Variants in SCN2A observed in about 807,000 individuals in gnomAD.
The protein encoded by SCN2A is sodium channel protein type 2 subunit alpha.
In SCN2A, 20 loss-of-function variants were observed where a neutral mutation model predicts 188.7. That is an observed-to-expected ratio of 0.11 (90% CI 0.07 to 0.15). The LOEUF is 0.15. Ranked by LOEUF, SCN2A falls within the 10% of genes least tolerant of loss-of-function variation. SCN2A has a pLI of 1.00. For missense variants in SCN2A, 1,278 were observed against 2,445.0 expected (o/e 0.52, Z 10.07); for synonymous variants, 804 against 833.1 (o/e 0.97, Z 0.60).
chr2:165,305,233 G>A (rs1697055296), intron 3 of SCN2A, among the ~76,000 whole-genome samples: 1 of 152,176 alleles, frequency 6.6e-6, no homozygotes, highest in South Asian at 2.1e-4. Flanking sequence ...AGACGTCAAA[G>A]GAGTAAGTAA....
In SCN2A at chr2:165,362,155, G is replaced by A. The variant is rs200763215; in HGVS notation, c.3400-2988G>A. Among the ~76,000 whole-genome samples the A allele has an allele frequency of 2.2e-3, 340 of 152,086 alleles. 1 individual carries two copies. Among genetic ancestry groups the A allele is most frequent in the African/African-American group, 8.0e-3 (333 of 41,528 alleles). On this transcript the variant is annotated intron_variant, in intron 17 of 26. Coordinates refer to ENST00000375437, the MANE Select transcript of SCN2A (RefSeq NM_001040142.2). ...CATGATCTTTCCTCCAAAAAATTAAGTCTGATGAGATGCATTTTCTAGAAA... is the reference window on the plus strand; with the variant it reads ...CATGATCTTTCCTCCAAAAAATTAAATCTGATGAGATGCATTTTCTAGAAA...
intron 1 of SCN2A, among the ~76,000 whole-genome samples, chr2:165,248,630 CCTTTT>C (rs1328539047): frequency 6.6e-6 from 1 of 151,736 alleles, no homozygotes; most frequent in African/African-American, 2.4e-5. Flanking sequence ...TTCTTTTTTT[CCTTTT>C]CTTTCCTTTC....
Position 165,314,047 on chromosome 2 carries a change from A to G in SCN2A, c.1322A>G (p.Gln441Arg). 6.2e-7 allele frequency: 1 copy of G among 1,613,790 alleles called. No individual in the cohort carries two copies. The highest frequency in any genetic ancestry group is 8.5e-7 in the Non-Finnish European group (1 of 1,179,772). ...QNQATLEEAE[Q>R]KEAEFQQMLE... ...CAGGCCACATTGGAAGAGGCTGAAC[A>G]GAAGGAAGCTGAATTTCAGCAGATG... Residue 441 changes from glutamine (Q) to arginine (R), a missense_variant, in exon 10 of 27, where the codon CAG (glutamine) becomes CGG (arginine). Gln to Arg is a conservative substitution (Grantham distance 43). Around this residue, in one of 17 missense-constraint regions of SCN2A, gnomAD observed 42 missense variants for 137.3 expected, o/e 0.31. Coordinates refer to ENST00000375437, the MANE Select transcript of SCN2A (RefSeq NM_001040142.2).
chr2:165,344,526 A>G (rs757071444), intron 15 of SCN2A, 29 bp from the exon 16 acceptor site: 4 of 1,590,788 alleles, frequency 2.5e-6, no homozygotes, highest in South Asian at 1.1e-5. Flanking sequence ...AATGCAGAGC[A>G]TTAACACTGT....
rs144133675 is a variant in SCN2A at position 165,315,822 on chromosome 2, T to C, written c.1671+64T>C. On this transcript the variant is annotated intron_variant, in intron 11 of 26. Coordinates refer to ENST00000375437, the MANE Select transcript of SCN2A (RefSeq NM_001040142.2). ...TTTTTTAAAAAAATATGCCAGAATT[T>C]AATGGAGAGAAAACCGCCTTCCACC... 1.6e-3 allele frequency: 2,422 copies of C among 1,562,066 alleles called. 36 individuals carry two copies. In the African/African-American group the frequency reaches 0.026, roughly 17 times the overall value.
At chr2:165,328,714 G>T (rs1030937734) in intron 13 of SCN2A, among the ~76,000 whole-genome samples, 1 of 152,188 alleles carries the variant, frequency 6.6e-6, no homozygotes, top group African/African-American at 2.4e-5. Flanking sequence ...GTGACATGGG[G>T]TTGCTTAGGA....
intron 1 of SCN2A, among the ~76,000 whole-genome samples, chr2:165,249,735 A>G (rs1694006383): frequency 6.6e-6 from 1 of 151,992 alleles, no homozygotes; most frequent in Non-Finnish European, 1.5e-5. Context: ...GTTTTGTTCT[A>G]AATCTCAGCT....
At chr2:165,371,640 T>C (rs963998338) in intron 20 of SCN2A, 2 of 152,056 alleles carry the variant, frequency 1.3e-5, no homozygotes, top group Non-Finnish European at 1.5e-5. Context: ...GTAGATAGGG[T>C]GAGGTAAGCC....
At chr2:165,242,432 GA>G in intron 1 of SCN2A, among the ~76,000 whole-genome samples, 1 of 152,228 alleles carries the variant, frequency 6.6e-6, no homozygotes, top group East Asian at 1.9e-4. Flanking sequence ...AGAAACAATA[GA>G]AAACCCATAA....
chr2:165,388,498 G>A, intron 26 of SCN2A, 131 bp from the exon 27 acceptor site: 1 of 1,239,682 alleles, frequency 8.1e-7, no homozygotes, highest in Non-Finnish European at 1.1e-6. Flanking sequence ...AACAAACATT[G>A]CAGATTATTT....
chr2:165,305,167 A>C (rs1192400142), intron 3 of SCN2A, among the ~76,000 whole-genome samples: 1 of 152,232 alleles, frequency 6.6e-6, no homozygotes, highest in African/African-American at 2.4e-5. Flanking sequence ...GGGAGACAGA[A>C]ATCTAAGATT....
intron 1 of SCN2A, among the ~76,000 whole-genome samples, chr2:165,282,946 T>C (rs904993445): frequency 7.2e-5 from 11 of 152,330 alleles, no homozygotes; most frequent in Admixed American, 2.6e-4. Flanking sequence ...TGTAAGGTTT[T>C]TCACCTGAGG....
At chr2:165,346,986 T>C (rs1030009397) in intron 16 of SCN2A, among the ~76,000 whole-genome samples, 3 of 152,210 alleles carry the variant, frequency 2.0e-5, no homozygotes, top group African/African-American at 7.2e-5. Context: ...GCTTTTACAT[T>C]GTTGGTGGGA....
chr2:165,248,072 G>A (rs1693927415), intron 1 of SCN2A, among the ~76,000 whole-genome samples: 1 of 152,088 alleles, frequency 6.6e-6, no homozygotes, highest in Non-Finnish European at 1.5e-5. Context: ...TCTATGTGCT[G>A]CCACCTTCAC....
At chr2:165,361,329 C>T (rs1275857604) in intron 17 of SCN2A, among the ~76,000 whole-genome samples, 2 of 151,868 alleles carry the variant, frequency 1.3e-5, no homozygotes, top group African/African-American at 4.8e-5. Flanking sequence ...GGTTTTGAAA[C>T]ATGGAAATCA....
At chr2:165,261,959 A>G (rs963506847) in intron 1 of SCN2A, among the ~76,000 whole-genome samples, 1 of 152,216 alleles carries the variant, frequency 6.6e-6, no homozygotes, top group Non-Finnish European at 1.5e-5. Flanking sequence ...GAAAAATGTC[A>G]CAAGTGGAAA....
intron 13 of SCN2A, chr2:165,327,489 T>A (rs1401450264): frequency 1.2e-5 from 2 of 171,670 alleles, no homozygotes; most frequent in Admixed American, 5.7e-5. Context: ...TATATCAGCT[T>A]TCTCTTTAGT....
chr2:165,245,120 G>A (rs1693787686), intron 1 of SCN2A, among the ~76,000 whole-genome samples: 1 of 152,154 alleles, frequency 6.6e-6, no homozygotes, highest in African/African-American at 2.4e-5. Context: ...TATCAGCCCA[G>A]CATTTCCAGC....
intron 23 of SCN2A, among the ~76,000 whole-genome samples, chr2:165,378,442 T>G (rs1701429126): frequency 6.6e-6 from 1 of 151,756 alleles, no homozygotes; most frequent in Admixed American, 6.6e-5. Flanking sequence ...GAGATTTTTC[T>G]GAATAGTAAT....
Sources: allele counts gnomAD v4.1 joint callset (sites outside exome capture counted in the v4.1 genomes callset), GRCh38; gene constraint gnomAD v4.1.1; regional missense constraint gnomAD v4.1.1; transcripts MANE v1.5; gene names NCBI Gene and HGNC (gene_info 2026-07-23, HGNC 2026-07-21).